Variants in ZNF226 observed in about 807,000 individuals in gnomAD.
ZNF226 encodes the protein Kruppel-associated box protein.
ZNF226 carries 6 observed loss-of-function variants against 11.4 expected under a neutral mutation model. The observed-to-expected ratio is 0.53, with a 90% CI of 0.29 to 1.04. The LOEUF is 1.04. ZNF226 is among the 50% of genes least tolerant of loss of function. The pLI, the probability that ZNF226 is intolerant of heterozygous loss-of-function variation, is 0.08. For synonymous variants in ZNF226, 350 were observed against 322.8 expected (o/e 1.08, Z -0.90); for missense variants, 1,058 against 956.5 (o/e 1.11, Z -1.40).
intron 5 of ZNF226, 23 bp from the exon 6 acceptor site, chr19:44,175,475 C>T (rs765480788): frequency 5.2e-6 from 8 of 1,546,654 alleles, no homozygotes; most frequent in Non-Finnish European, 6.9e-6. Context: ...TTCACTATCT[C>T]TCTGAATCCT....
At chr19:44,192,276 G>C in the ZNF226 span, among the ~76,000 whole-genome samples, 1 of 152,136 alleles carries the variant, frequency 6.6e-6, no homozygotes, top group African/African-American at 2.4e-5. Flanking sequence ...GTCAGAACTG[G>C]AGAGAGAGCC....
chr19:44,192,165 C>T, the ZNF226 span, among the ~76,000 whole-genome samples: 1 of 152,146 alleles, frequency 6.6e-6, no homozygotes, highest in African/African-American at 2.4e-5. Flanking sequence ...CAAGAAAAGA[C>T]AAAATTACAG....
rs199602003 is a variant in ZNF226, at chr19:44,172,187, G to A, written c.115G>A (p.Glu39Lys). 1,306 of 1,612,482 alleles carry A rather than the reference G, an allele frequency of 8.1e-4. 2 individuals carry two copies. The highest frequency in any genetic ancestry group is 1.1e-3 in the Non-Finnish European group (1,247 of 1,178,960). ...GAAGCTGTACCGAGATGTGATGGTG[G>A]AGAACTTTAGGAACCTGCTGTCAGT... ...QRKLYRDVMVENFRNLLSVGH... is the reference protein window; with the variant it reads ...QRKLYRDVMVKNFRNLLSVGH... Residue 39 changes from glutamate to lysine, a missense_variant, in exon 4 of 6, where the codon GAG (glutamate) becomes AAG (lysine). Glu to Lys is a moderately conservative substitution (Grantham distance 56). Transcript: ENST00000337433.
chr19:44,176,081 A>ACAAT lies in ZNF226; in HGVS notation c.822_825dup (p.Gly276IlefsTer10). On this transcript the variant is annotated frameshift_variant, in exon 6 of 6. Transcript: ENST00000337433. LOFTEE classifies it low-confidence loss of function (END_TRUNC). ...CCAGCTTTGATCTTCATCAGCAGTT[A>ACAAT]CAATCAGGAGAGAAGTCTCTTACAT... The ACAAT allele has an allele frequency of 6.2e-7, 1 of 1,614,186 alleles. No individual in the cohort carries two copies.
chr19:44,180,709 T>C (rs564426541), downstream of ZNF226, among the ~76,000 whole-genome samples: 26 of 152,238 alleles, frequency 1.7e-4, no homozygotes, highest in Non-Finnish European at 3.1e-4. Flanking sequence ...ATCTAAAATA[T>C]GTGCTTTCTG....
the ZNF226 span, among the ~76,000 whole-genome samples, chr19:44,191,360 C>T: frequency 6.6e-6 from 1 of 152,230 alleles, no homozygotes; most frequent in Admixed American, 6.5e-5. Flanking sequence ...CAACCAGAAT[C>T]GTGGTTGATA....
the ZNF226 span, among the ~76,000 whole-genome samples, chr19:44,186,530 A>AT: frequency 6.6e-6 from 1 of 151,958 alleles, no homozygotes; most frequent in East Asian, 1.9e-4. Context: ...GATGCAACTG[A>AT]TTTTTTAGTG....
At position 44,171,600 on chromosome 19, in the gene ZNF226, C is replaced by T. The variant is rs1885229935; in HGVS notation, c.16-488C>T. On this transcript the variant is annotated intron_variant, in intron 3 of 5. Coordinates refer to ENST00000337433, the MANE Select transcript of ZNF226 (RefSeq NM_001032373.2). ...AAAAGGGCTTGTGAAAAATGAGGAA[C>T]GTGCTCAAGTTCACATGGAAAACTA... is the stretch of plus-strand genomic sequence containing the variant. Among the ~76,000 whole-genome samples, 6 of 152,270 alleles carry T rather than the reference C, an allele frequency of 3.9e-5. No homozygotes were observed. The South Asian group carries it at 1.0e-3, about 26-fold the overall frequency.
the ZNF226 span, among the ~76,000 whole-genome samples, chr19:44,195,654 T>C: frequency 6.6e-6 from 1 of 152,232 alleles, no homozygotes; most frequent in Admixed American, 6.5e-5. Context: ...GCAGCTGTCT[T>C]AACCAAAGTA....
At position 44,172,869 on chromosome 19, in the gene ZNF226, C is replaced by G. The variant is rs1970263280; in HGVS notation, c.152C>G (p.Pro51Arg). ...FRNLLSVGHP[P>R]FKQDVSPIER... is the part of the protein sequence containing the mutation. The stretch of plus-strand genomic sequence containing the variant: ...TTTGGCATTTTCACAGGGCATCCAC[C>G]CTTCAAACAAGATGTATCACCTATA... Residue 51 changes from proline to arginine, a missense_variant, in exon 5 of 6, where the codon CCC becomes CGC. Transcript: ENST00000337433. 2 of 1,600,592 alleles carry G rather than the reference C, an allele frequency of 1.2e-6. No individual in the cohort carries two copies. Among genetic ancestry groups the G allele is most frequent in the South Asian group, 1.1e-5 (1 of 88,018 alleles).
chr19:44,173,119 G>C, intron 5 of ZNF226, 167 bp downstream of exon 5: 1 of 609,972 alleles, frequency 1.6e-6, no homozygotes, highest in Non-Finnish European at 2.9e-6. Flanking sequence ...CTTACATTCT[G>C]TTCTTTAAGT....
downstream of ZNF226, among the ~76,000 whole-genome samples, chr19:44,182,201 G>A (rs768730085): frequency 7.9e-5 from 12 of 152,240 alleles, no homozygotes; most frequent in Non-Finnish European, 1.6e-4. Flanking sequence ...AACTTTGTAA[G>A]TATGTTATAG....
the ZNF226 span, among the ~76,000 whole-genome samples, chr19:44,195,722 T>C: frequency 6.6e-6 from 1 of 152,166 alleles, no homozygotes; most frequent in African/African-American, 2.4e-5. Context: ...ATTTTTGCAG[T>C]CTTTGTGATC....
Position 44,172,083 on chromosome 19 carries a change from C to T in ZNF226, c.16-5C>T, listed in dbSNP as rs533097438. The T allele has an allele frequency of 2.7e-5, 44 of 1,609,560 alleles. No individual in the cohort carries two copies. Among genetic ancestry groups the T allele is most frequent in the East Asian group, 6.7e-5 (3 of 44,634 alleles). On this transcript the variant is annotated splice_region_variant and splice_polypyrimidine_tract_variant and intron_variant, in intron 3 of 5. Transcript: ENST00000337433. ...TAAGATTGAGGTCATTTGTTTTTGT[C>T]GTAGGAAGCAGTGACCTTCAAGGAC...
chr19:44,180,131 A>C (rs1391557372), downstream of ZNF226, among the ~76,000 whole-genome samples: 1 of 151,406 alleles, frequency 6.6e-6, no homozygotes, highest in African/African-American at 2.4e-5. Flanking sequence ...GTGAGGGCAA[A>C]TTCAGAAGCT....
chr19:44,180,622 T>G (rs1217869207), downstream of ZNF226, among the ~76,000 whole-genome samples: 6 of 152,224 alleles, frequency 3.9e-5, no homozygotes, highest in African/African-American at 1.4e-4. Flanking sequence ...GCAATGCCTG[T>G]GTTTTAGTGT....
At chr19:44,198,065 C>T in the ZNF226 span, among the ~76,000 whole-genome samples, 1 of 152,064 alleles carries the variant, frequency 6.6e-6, no homozygotes, top group Non-Finnish European at 1.5e-5. Flanking sequence ...ATACAATATC[C>T]TCACTTCTTA....
At chr19:44,184,635 G>T in the ZNF226 span, among the ~76,000 whole-genome samples, 1 of 151,770 alleles carries the variant, frequency 6.6e-6, no homozygotes, top group Non-Finnish European at 1.5e-5. Flanking sequence ...CAAGATACCT[G>T]TTCCAAAGTG....
downstream of ZNF226, among the ~76,000 whole-genome samples, chr19:44,182,191 A>G (rs576967287): frequency 1.3e-5 from 2 of 152,358 alleles, no homozygotes; most frequent in African/African-American, 4.8e-5. Flanking sequence ...AAAAAGCCAG[A>G]ACTTTGTAAG....
Sources: allele counts gnomAD v4.1 joint callset (sites outside exome capture counted in the v4.1 genomes callset), GRCh38; gene constraint gnomAD v4.1.1; transcripts MANE v1.5; gene names NCBI Gene and HGNC (gene_info 2026-07-23, HGNC 2026-07-21).